Variants in NHEJ1 observed in about 807,000 individuals in gnomAD.
NHEJ1 encodes non-homologous end joining factor 1.
In NHEJ1, 22 loss-of-function variants were observed where a neutral mutation model predicts 39.4. That is an observed-to-expected ratio of 0.56 (90% CI 0.40 to 0.80). The LOEUF is 0.80. Among genes scored for constraint, NHEJ1 ranks in the 30% least tolerant of loss-of-function variants. The pLI is 0.00. For synonymous variants in NHEJ1, 154 were observed against 135.6 expected (o/e 1.14, Z -0.94); for missense variants, 329 against 357.1 (o/e 0.92, Z 0.63).
In NHEJ1 at chr2:219,157,604, G is replaced by C. The variant is rs113689741; in HGVS notation, c.258C>G (p.Asp86Glu). Residue 86 changes from aspartate to glutamate, a missense_variant, in exon 3 of 8, where the codon GAC (aspartate) becomes GAG (glutamate). Transcript: ENST00000356853. Reference protein sequence around the residue: ...LDNLLRPLLKDAAHPSEATFS... With the variant: ...LDNLLRPLLKEAAHPSEATFS... ...AGGTAGCTTCGCTAGGGTGAGCAGC[G>C]TCCTTCAACAATGGGCGAAGGAGAT... is the stretch of plus-strand genomic sequence containing the variant. 3 of 1,614,036 alleles carry C rather than the reference G, an allele frequency of 1.9e-6. No individual in the cohort carries two copies. The highest frequency in any genetic ancestry group is 2.5e-6 in the Non-Finnish European group (3 of 1,180,040).
chr2:219,155,591 C>T (rs1384744334), intron 3 of NHEJ1, among the ~76,000 whole-genome samples: 2 of 152,128 alleles, frequency 1.3e-5, no homozygotes, highest in Admixed American at 1.3e-4. Flanking sequence ...GTAATTCTCT[C>T]AGCACTCAGT....
chr2:219,091,204 T>A (rs981995151), intron 5 of NHEJ1, among the ~76,000 whole-genome samples: 1 of 152,090 alleles, frequency 6.6e-6, no homozygotes, highest in Non-Finnish European at 1.5e-5. Flanking sequence ...CTAGCCCAGT[T>A]AGATAGGAGC....
chr2:219,112,830 G>A (rs1361218622), intron 5 of NHEJ1, among the ~76,000 whole-genome samples: 1 of 152,080 alleles, frequency 6.6e-6, no homozygotes, highest in Non-Finnish European at 1.5e-5. Context: ...ATGAATAAGA[G>A]TAAGCAGAAA....
At chr2:219,080,696 T>TATGCTA (rs1481244895) in intron 5 of NHEJ1, among the ~76,000 whole-genome samples, 6 of 98,846 alleles carry the variant, frequency 6.1e-5, no homozygotes, top group Non-Finnish European at 1.5e-4. Flanking sequence ...TATGCTTATA[T>TATGCTA]ATATATATGC....
At chr2:219,157,358 T>A (rs1949863728) in intron 3 of NHEJ1, 114 bp downstream of exon 3, 5 of 912,572 alleles carry the variant, frequency 5.5e-6, no homozygotes, top group Non-Finnish European at 8.7e-6. Context: ...AAGGAAAGTT[T>A]TCTGATTGGA....
At chr2:219,118,833 C>T (rs1949442038) in intron 5 of NHEJ1, among the ~76,000 whole-genome samples, 1 of 152,140 alleles carries the variant, frequency 6.6e-6, no homozygotes, top group African/African-American at 2.4e-5. Context: ...TTAGGGGCGT[C>T]AGAGACAATG....
intron 1 of NHEJ1, chr2:219,158,840 AT>A: frequency 5.5e-6 from 1 of 183,370 alleles, no homozygotes; most frequent in East Asian, 1.4e-4. Flanking sequence ...GTATTTGATC[AT>A]TATCTAAAAA....
chr2:219,092,856 T>A (rs1170276909), intron 5 of NHEJ1, among the ~76,000 whole-genome samples: 2 of 152,148 alleles, frequency 1.3e-5, no homozygotes, highest in Non-Finnish European at 2.9e-5. Context: ...GATCTTGAGA[T>A]CCCAGAGAAA....
chr2:219,098,625 T>C (rs1351065801), intron 5 of NHEJ1, among the ~76,000 whole-genome samples: 1 of 152,150 alleles, frequency 6.6e-6, no homozygotes, highest in Non-Finnish European at 1.5e-5. Flanking sequence ...GCATTAAGGC[T>C]GCATTTGAGA....
chr2:219,131,826 A>G (rs1949581753), intron 5 of NHEJ1, among the ~76,000 whole-genome samples: 1 of 152,230 alleles, frequency 6.6e-6, no homozygotes, highest in African/African-American at 2.4e-5. Flanking sequence ...GCTTTGAACC[A>G]TTTTCCTATA....
chr2:219,070,672 TC>T lies in NHEJ1; in HGVS notation c.*5708del, dbSNP rs1229542970. On this transcript the variant is annotated 3_prime_UTR_variant, in exon 8 of 8. Coordinates refer to ENST00000356853, the MANE Select transcript of NHEJ1 (RefSeq NM_024782.3). ...CCTTTAGCACAATCCAGACACTCAA[TC>T]TTTTCTTTCTTTTTTTTTTTTAATT... Among the ~76,000 whole-genome samples the T allele has an allele frequency of 6.6e-6, 1 of 151,820 alleles. No homozygotes were observed. Among genetic ancestry groups the T allele is most frequent in the Non-Finnish European group, 1.5e-5 (1 of 67,946 alleles).
chr2:219,076,183 C>G lies in NHEJ1; in HGVS notation c.*198G>C. 8.1e-7 allele frequency: 1 copy of G among 1,227,364 alleles called. No individual in the cohort carries two copies. Among genetic ancestry groups the G allele is most frequent in the Non-Finnish European group, 1.1e-6 (1 of 896,930 alleles). The allele number at this position is 1,227,364 out of a possible 1,614,324, so 76.0% of individuals were successfully genotyped here. On this transcript the variant is annotated 3_prime_UTR_variant, in exon 8 of 8. Transcript: ENST00000356853. ...AAAAGAGAGGAGAGCACGGGATTCT[C>G]AGAGACTGGCTTCCACTTGAACAGG... is the stretch of plus-strand genomic sequence containing the variant.
intron 5 of NHEJ1, among the ~76,000 whole-genome samples, chr2:219,141,252 A>G (rs1156309939): frequency 6.6e-6 from 1 of 151,902 alleles, no homozygotes; most frequent in Non-Finnish European, 1.5e-5. Context: ...TGGTGGCTCA[A>G]GCCTGTAGTC....
chr2:219,113,631 C>A (rs568939040), intron 5 of NHEJ1, among the ~76,000 whole-genome samples: 2 of 152,206 alleles, frequency 1.3e-5, no homozygotes, highest in South Asian at 4.1e-4. Flanking sequence ...TAGAAAAGAG[C>A]CCTTACCTCA....
intron 5 of NHEJ1, among the ~76,000 whole-genome samples, chr2:219,099,359 C>T (rs1949235640): frequency 6.6e-6 from 1 of 152,188 alleles, no homozygotes; most frequent in Admixed American, 6.5e-5. Flanking sequence ...CCAAAAATGT[C>T]TCTGGACCTT....
chr2:219,104,360 A>C (rs1300876245), intron 5 of NHEJ1, among the ~76,000 whole-genome samples: 2 of 152,212 alleles, frequency 1.3e-5, no homozygotes, highest in Non-Finnish European at 2.9e-5. Flanking sequence ...GTCTAGCTAG[A>C]GAGCTCCAGA....
At chr2:219,076,525 C>G (rs181703) in intron 7 of NHEJ1, 70 bp from the exon 8 acceptor site, 1 of 944,870 alleles carries the variant, frequency 1.1e-6, no homozygotes, top group Admixed American at 1.9e-5. Context: ...AAGGAACTTT[C>G]TTCCTCTCAT....
At position 219,147,677 on chromosome 2, in the gene NHEJ1, C is replaced by T. The variant is rs371400946; in HGVS notation, c.509G>A (p.Ser170Asn). ...KDLEIQDYQE[S>N]GATLIRDRLK... is the part of the protein sequence containing the mutation. ...CTTACCTCGAATCAGCGTAGCCCCACTCTCCTGGTAGTCTTGGATCTCTAG... is the reference window on the plus strand; with the variant it reads ...CTTACCTCGAATCAGCGTAGCCCCATTCTCCTGGTAGTCTTGGATCTCTAG... Residue 170 changes from serine to asparagine, a missense_variant, in exon 4 of 8, where the codon AGT (serine) becomes AAT (asparagine). Ser to Asn is a conservative substitution (Grantham distance 46). Coordinates refer to ENST00000356853, the MANE Select transcript of NHEJ1 (RefSeq NM_024782.3). 3 of 1,614,118 alleles carry T rather than the reference C, an allele frequency of 1.9e-6. No homozygotes were observed. The African/African-American group carries it at 4.0e-5, about 22-fold the overall frequency.
rs960205834 is a variant in NHEJ1 at position 219,080,566 on chromosome 2, T to A, written c.589-2360A>T. ...ATAAATAAAAATATATATATATATA[T>A]ATGCTTTTATATATATACGCTTATA... is the stretch of plus-strand genomic sequence containing the variant. On this transcript the variant is annotated intron_variant, in intron 5 of 7. Transcript: ENST00000356853. Among the ~76,000 whole-genome samples the A allele has an allele frequency of 3.4e-5, 5 of 146,078 alleles. No homozygotes were observed. In the East Asian group the frequency reaches 9.8e-4, roughly 29 times the overall value.
Sources: gnomAD v4.1 joint callset for allele counts (sites outside exome capture counted in the v4.1 genomes callset) on GRCh38, gnomAD v4.1.1 for gene constraint, MANE v1.5 for transcripts, NCBI Gene and HGNC (gene_info 2026-07-23, HGNC 2026-07-21) for gene names.